WDR93: variants seen among roughly 807,000 people sequenced by gnomAD.
WDR93 encodes WD repeat domain 93.
A neutral mutation model predicts 82.9 loss-of-function variants in WDR93; 73 were observed. The ratio of observed to expected loss-of-function variants is 0.88; its 90% CI spans 0.73 to 1.07. The LOEUF (loss-of-function observed/expected upper bound fraction) is 1.07. Among genes scored for constraint, WDR93 ranks in the 50% least tolerant of loss-of-function variants. The probability of loss-of-function intolerance (pLI) is 0.00; values close to 1 mark genes in which losing one functional copy is unlikely to be tolerated. For missense variants in WDR93, 738 were observed against 826.0 expected, an observed-to-expected ratio of 0.89 and a Z score of 1.31; for synonymous variants, 283 against 300.1, an observed-to-expected ratio of 0.94 and a Z score of 0.59.
At chr15:89,703,485 C>A (rs546168137) in intron 3 of WDR93, 39 of 307,680 alleles carry the variant, frequency 1.3e-4, no homozygotes, top group Non-Finnish European at 1.7e-4. Context: ...CCACACCCTT[C>A]CAGCACTCAG....
intron 9 of WDR93, 138 bp downstream of exon 9, chr15:89,727,466 C>T: frequency 1.0e-6 from 1 of 977,004 alleles, no homozygotes; most frequent in South Asian, 1.8e-5. Flanking sequence ...TGGCCCACAT[C>T]TGTAATCCCT....
intron 4 of WDR93, among the ~76,000 whole-genome samples, chr15:89,708,350 C>A (rs531902241): frequency 4.6e-5 from 7 of 152,292 alleles, no homozygotes; most frequent in Admixed American, 2.6e-4. Context: ...GAGCAGAGAG[C>A]GGACCCCAGA....
intron 8 of WDR93, among the ~76,000 whole-genome samples, chr15:89,725,020 A>C (rs1966677742): frequency 6.6e-6 from 1 of 152,054 alleles, no homozygotes; most frequent in Non-Finnish European, 1.5e-5. Flanking sequence ...GGGATGTGAG[A>C]TTTTTCAGTG....
intron 8 of WDR93, among the ~76,000 whole-genome samples, chr15:89,724,525 C>G (rs993986553): frequency 6.6e-6 from 1 of 151,890 alleles, no homozygotes; most frequent in Non-Finnish European, 1.5e-5. Context: ...AAGATCAGGC[C>G]ACATAGAGGT....
chr15:89,690,469 T>C (rs944485010), upstream of WDR93: 4 of 768,040 alleles, frequency 5.2e-6, no homozygotes, highest in Non-Finnish European at 6.3e-6. Flanking sequence ...ACGTCCTTCC[T>C]GCTTCCATCT....
At chr15:89,707,679 G>A (rs1965784158) in intron 4 of WDR93, among the ~76,000 whole-genome samples, 1 of 152,108 alleles carries the variant, frequency 6.6e-6, no homozygotes, top group South Asian at 2.1e-4. Context: ...GCAACAATTG[G>A]AACTCTTCCT....
intron 1 of WDR93, among the ~76,000 whole-genome samples, chr15:89,694,410 AT>A (rs1415635635): frequency 4.1e-4 from 62 of 151,196 alleles, no homozygotes; most frequent in Admixed American, 2.8e-3. Context: ...AATTTTTTGT[AT>A]TTTTTAGTAG....
At chr15:89,731,262 A>C (rs1408369196) in intron 11 of WDR93, among the ~76,000 whole-genome samples, 181 bp from the exon 12 acceptor site, 5 of 152,228 alleles carry the variant, frequency 3.3e-5, no homozygotes, top group Admixed American at 2.6e-4. Context: ...ACATTATCTT[A>C]TCATCCTAGG....
In WDR93 at chr15:89,743,364, G is replaced by A. The variant is rs200451211; in HGVS notation, c.2034G>A (p.Ser678=). The change falls in exon 17 of 17, where the codon TCG becomes TCA. Residue 678 remains serine (S), a synonymous_variant. Transcript: ENST00000268130. ...HWARLQRYSL[S]LQRENFKK ...CCCGGCTTCAGAGGTACTCCTTGTCGCTCCAGAGAGAGAACTTCAAGAAGT... is the reference window on the plus strand; with the variant it reads ...CCCGGCTTCAGAGGTACTCCTTGTCACTCCAGAGAGAGAACTTCAAGAAGT... 104 of 1,614,146 alleles carry A rather than the reference G, an allele frequency of 6.4e-5. No homozygotes were observed. The East Asian group carries it at 8.5e-4, about 13-fold the overall frequency.
intron 5 of WDR93, among the ~76,000 whole-genome samples, chr15:89,713,410 C>T (rs1966090411): frequency 6.6e-6 from 1 of 151,778 alleles, no homozygotes; most frequent in Non-Finnish European, 1.5e-5. Flanking sequence ...GGTATATTGG[C>T]CTCTATTTTA....
intron 14 of WDR93, among the ~76,000 whole-genome samples, chr15:89,736,179 G>A (rs938547655): frequency 1.3e-5 from 2 of 152,174 alleles, no homozygotes; most frequent in Admixed American, 1.3e-4. Flanking sequence ...ATCTCAGTTC[G>A]GCGATGGACT....
intron 5 of WDR93, among the ~76,000 whole-genome samples, chr15:89,713,123 TTA>T: frequency 7.5e-6 from 1 of 133,226 alleles, no homozygotes; most frequent in African/African-American, 3.1e-5. Context: ...AAACTCCATC[TTA>T]AAAAAAAAAA....
At chr15:89,716,442 A>G (rs1376771516) in intron 6 of WDR93, among the ~76,000 whole-genome samples, 1 of 152,208 alleles carries the variant, frequency 6.6e-6, no homozygotes, top group African/African-American at 2.4e-5. Flanking sequence ...TAGGAAAAGC[A>G]CCTTGAATGG....
Position 89,729,062 on chromosome 15 carries a change from T to C in WDR93, c.1092T>C (p.Phe364=), listed in dbSNP as rs773526214. The part of the protein sequence containing the change: ...TFYFLLPSCL[F]AMPPEVKGPS... ...ATTTCCTTCTTCCTAGCTGCCTATTTGCAATGCCACCGGAAGTCAAGGGCC... is the reference window on the plus strand; with the variant it reads ...ATTTCCTTCTTCCTAGCTGCCTATTCGCAATGCCACCGGAAGTCAAGGGCC... Residue 364 remains phenylalanine (F), a synonymous_variant, in exon 10 of 17, where the codon TTT becomes TTC. Coordinates refer to ENST00000268130, the MANE Select transcript of WDR93 (RefSeq NM_020212.2). 5 of 1,614,118 alleles carry C rather than the reference T, an allele frequency of 3.1e-6. No individual in the cohort carries two copies. Among genetic ancestry groups the C allele is most frequent in the Non-Finnish European group, 4.2e-6 (5 of 1,180,002 alleles).
At chr15:89,706,669 A>G (rs1465705929) in intron 4 of WDR93, among the ~76,000 whole-genome samples, 3 of 151,398 alleles carry the variant, frequency 2.0e-5, no homozygotes, top group African/African-American at 7.3e-5. Context: ...TTCTTCTTGG[A>G]AAAAAAAACC....
chr15:89,727,484 G>A (rs1327380502), intron 9 of WDR93, among the ~76,000 whole-genome samples, 156 bp downstream of exon 9: 1 of 152,168 alleles, frequency 6.6e-6, no homozygotes, highest in East Asian at 1.9e-4. Flanking sequence ...CCTACACTTT[G>A]GGAGGCCGAG....
intron 4 of WDR93, among the ~76,000 whole-genome samples, chr15:89,710,965 G>A (rs1332775894): frequency 2.0e-5 from 3 of 152,090 alleles, no homozygotes; most frequent in Non-Finnish European, 4.4e-5. Flanking sequence ...TAGAACTGAG[G>A]TATCCTACTT....
chr15:89,706,110 CAA>C (rs1305993876), intron 4 of WDR93, among the ~76,000 whole-genome samples: 1 of 152,142 alleles, frequency 6.6e-6, no homozygotes, highest in East Asian at 1.9e-4. Context: ...GTGCCACTGA[CAA>C]AGAGAACACA....
chr15:89,739,634 A>C (rs1567133982), intron 16 of WDR93, among the ~76,000 whole-genome samples: 1 of 152,258 alleles, frequency 6.6e-6, no homozygotes, highest in East Asian at 1.9e-4. Context: ...ATCTGACCAC[A>C]CATTTCGGGT....
Sources: allele counts gnomAD v4.1 joint callset (sites outside exome capture counted in the v4.1 genomes callset), GRCh38; gene constraint gnomAD v4.1.1; transcripts MANE v1.5; gene names NCBI Gene and HGNC (gene_info 2026-07-23, HGNC 2026-07-21).